The following CACNA2D1 variants were observed in gnomAD, a reference collection of about 807,000 sequenced individuals.
The protein encoded by CACNA2D1 is calcium voltage-gated channel auxiliary subunit alpha2delta 1, also known as voltage-dependent calcium channel subunit alpha-2/delta-1.
A neutral mutation model predicts 171.5 loss-of-function variants in CACNA2D1; 53 were observed. The observed-to-expected ratio is 0.31, with a 90% CI of 0.25 to 0.39. The LOEUF (loss-of-function observed/expected upper bound fraction) is 0.39. CACNA2D1 is among the 10% of genes least tolerant of loss of function. The pLI, the probability that CACNA2D1 is intolerant of heterozygous loss-of-function variation, is 1.00. For synonymous variants in CACNA2D1, 442 were observed against 443.1 expected, an observed-to-expected ratio of 1.00 and a Z score of 0.03; for missense variants, 903 against 1,299.8, an observed-to-expected ratio of 0.69 and a Z score of 4.69.
chr7:82,418,851 G>A (rs1828435714), intron 1 of CACNA2D1, among the ~76,000 whole-genome samples: 1 of 152,144 alleles, frequency 6.6e-6, no homozygotes, highest in Admixed American at 6.5e-5. Flanking sequence ...GGGCACGGTG[G>A]CTCACGCCTG....
At chr7:82,187,822 C>T (rs1328182823) in intron 3 of CACNA2D1, among the ~76,000 whole-genome samples, 1 of 152,026 alleles carries the variant, frequency 6.6e-6, no homozygotes, top group Non-Finnish European at 1.5e-5. Context: ...TTTATTTCTC[C>T]AGTTCTGGAG....
intron 1 of CACNA2D1, among the ~76,000 whole-genome samples, chr7:82,423,360 T>C (rs1001143393): frequency 2.0e-5 from 3 of 152,138 alleles, no homozygotes; most frequent in Middle Eastern, 3.2e-3. Context: ...ATACAAATAA[T>C]CTCAGAAGCC....
intron 3 of CACNA2D1, among the ~76,000 whole-genome samples, chr7:82,285,823 C>T (rs190598644): frequency 8.5e-5 from 13 of 152,254 alleles, no homozygotes; most frequent in Non-Finnish European, 1.5e-4. Context: ...CTCTTTCCTA[C>T]TTGGTGATGT....
chr7:82,343,346 T>C (rs752517744), intron 2 of CACNA2D1: 2 of 152,152 alleles, frequency 1.3e-5, no homozygotes, highest in Non-Finnish European at 2.9e-5. Flanking sequence ...AACACGATGG[T>C]GATGCTTCCG....
chr7:82,169,030 C>T (rs1563149218), intron 4 of CACNA2D1, among the ~76,000 whole-genome samples: 1 of 151,972 alleles, frequency 6.6e-6, no homozygotes, highest in Non-Finnish European at 1.5e-5. Flanking sequence ...ACTGCTTTTA[C>T]CATGCACGCT....
At chr7:82,202,550 A>G (rs1479518443) in intron 3 of CACNA2D1, among the ~76,000 whole-genome samples, 2 of 152,168 alleles carry the variant, frequency 1.3e-5, no homozygotes, top group Non-Finnish European at 2.9e-5. Context: ...TGAAGTACAG[A>G]GCACCAAGAA....
At chr7:82,439,791 G>A (rs929406882) in intron 1 of CACNA2D1, among the ~76,000 whole-genome samples, 3 of 151,472 alleles carry the variant, frequency 2.0e-5, no homozygotes, top group African/African-American at 4.8e-5. Flanking sequence ...TGGTTAAGCC[G>A]ATGAGAACAA....
At chr7:82,204,594 C>G (rs569533703) in intron 3 of CACNA2D1, among the ~76,000 whole-genome samples, 41 of 152,138 alleles carry the variant, frequency 2.7e-4, no homozygotes, top group Non-Finnish European at 4.4e-4. Context: ...GTCCAGGATT[C>G]CACCCTGTGG....
At chr7:82,437,905 T>C (rs1455246334) in intron 1 of CACNA2D1, among the ~76,000 whole-genome samples, 2 of 152,128 alleles carry the variant, frequency 1.3e-5, no homozygotes, top group African/African-American at 2.4e-5. Context: ...ACCAAATATG[T>C]TTAATTCTAA....
intron 4 of CACNA2D1, among the ~76,000 whole-genome samples, chr7:82,138,999 G>A (rs527489078): frequency 1.3e-4 from 20 of 152,192 alleles, no homozygotes; most frequent in Admixed American, 1.2e-3. Context: ...ATGGGAACAC[G>A]TAGAAAACAA....
intron 12 of CACNA2D1, chr7:82,030,028 A>G (rs1802471330): frequency 1.3e-5 from 2 of 151,860 alleles, no homozygotes. Context: ...GAAGTTGAAT[A>G]TAACTTGATT....
intron 3 of CACNA2D1, among the ~76,000 whole-genome samples, chr7:82,282,549 A>G (rs1189792777): frequency 1.3e-5 from 2 of 152,186 alleles, no homozygotes; most frequent in Non-Finnish European, 2.9e-5. Context: ...TCTTAGCAGA[A>G]GGAGGGCGTG....
At chr7:81,953,192 G>A (rs1439740913) in intron 38 of CACNA2D1, among the ~76,000 whole-genome samples, 1 of 151,948 alleles carries the variant, frequency 6.6e-6, no homozygotes, top group African/African-American at 2.4e-5. Context: ...TTCCACTTTT[G>A]CAAAAGCTGT....
intron 4 of CACNA2D1, among the ~76,000 whole-genome samples, chr7:82,162,464 C>CT (rs1795046735): frequency 6.6e-6 from 1 of 151,920 alleles, no homozygotes; most frequent in South Asian, 2.1e-4. Context: ...AAGGCATGAG[C>CT]TTTAAAGGAG....
At chr7:82,014,291 A>T (rs1800153825) in intron 13 of CACNA2D1, 110 bp downstream of exon 13, 2 of 689,668 alleles carry the variant, frequency 2.9e-6, no homozygotes, top group South Asian at 1.6e-5. Flanking sequence ...CTCTTGTCTG[A>T]TTCCTATAAA....
intron 7 of CACNA2D1, among the ~76,000 whole-genome samples, chr7:82,077,251 GCCC>G (rs939914582): frequency 2.0e-5 from 3 of 151,964 alleles, no homozygotes; most frequent in African/African-American, 2.4e-5. Flanking sequence ...ACTTAGTACA[GCCC>G]CCTGCCATTT....
intron 24 of CACNA2D1, among the ~76,000 whole-genome samples, chr7:81,977,091 G>A (rs1795932141): frequency 6.6e-6 from 1 of 152,096 alleles, no homozygotes; most frequent in Non-Finnish European, 1.5e-5. Context: ...ATACTATGCT[G>A]AATAGGAGTG....
intron 18 of CACNA2D1, among the ~76,000 whole-genome samples, chr7:81,998,068 T>C (rs1798230124): frequency 6.6e-6 from 1 of 151,996 alleles, no homozygotes; most frequent in African/African-American, 2.4e-5. Flanking sequence ...CCTCATATGA[T>C]ATTATTTTAA....
chr7:82,227,787 A>C (rs1802514360), intron 3 of CACNA2D1, among the ~76,000 whole-genome samples: 1 of 152,214 alleles, frequency 6.6e-6, no homozygotes, highest in Admixed American at 6.5e-5. Flanking sequence ...ATATTTTATT[A>C]ACATTCCCAG....
Sources: allele counts gnomAD v4.1 joint callset (sites outside exome capture counted in the v4.1 genomes callset), GRCh38; gene constraint gnomAD v4.1.1; transcripts MANE v1.5; gene names NCBI Gene and HGNC (gene_info 2026-07-23, HGNC 2026-07-21).